RAB2A: variants seen among roughly 807,000 people sequenced by gnomAD.
The protein encoded by RAB2A is RAB2A, member RAS oncogene family, also known as ras-related protein Rab-2A.
Under a neutral mutation model 32.5 loss-of-function variants are expected in RAB2A, and 7 were observed. The ratio of observed to expected loss-of-function variants is 0.22; its 90% CI spans 0.12 to 0.40. RAB2A has a LOEUF of 0.40. Ranked by LOEUF, RAB2A falls within the 10% of genes least tolerant of loss-of-function variation. The pLI is 1.00. For synonymous variants in RAB2A, 79 were observed against 85.2 expected, an observed-to-expected ratio of 0.93 and a Z score of 0.40; for missense variants, 108 against 260.7, an observed-to-expected ratio of 0.41 and a Z score of 4.03.
chr8:60,611,869 A>G (rs1394057228), intron 6 of RAB2A, among the ~76,000 whole-genome samples: 1 of 152,218 alleles, frequency 6.6e-6, no homozygotes, highest in Non-Finnish European at 1.5e-5. Context: ...TGCAATATTT[A>G]TGATTTTTAA....
At chr8:60,528,369 T>G (rs1308616844) in intron 1 of RAB2A, among the ~76,000 whole-genome samples, 1 of 152,244 alleles carries the variant, frequency 6.6e-6, no homozygotes, top group Non-Finnish European at 1.5e-5. Context: ...ATCCTGCTTC[T>G]TTGAATGTTA....
intron 6 of RAB2A, among the ~76,000 whole-genome samples, chr8:60,601,322 T>A (rs1039355171): frequency 1.3e-5 from 2 of 152,190 alleles, no homozygotes; most frequent in African/African-American, 4.8e-5. Flanking sequence ...GAGATTTTTA[T>A]TATGCATAGA....
At chr8:60,594,841 A>G (rs1033930516) in intron 6 of RAB2A, among the ~76,000 whole-genome samples, 14 of 152,212 alleles carry the variant, frequency 9.2e-5, no homozygotes, top group African/African-American at 3.4e-4. Flanking sequence ...ATAGTATTCC[A>G]TGGTGTATAT....
In RAB2A at chr8:60,623,485, A is replaced by C. The variant is rs1439035296; in HGVS notation, c.*2716A>C. 1.3e-5 allele frequency: 2 copies of C among 152,180 alleles called. No homozygotes were observed. The highest frequency in any genetic ancestry group is 2.9e-5 in the Non-Finnish European group (2 of 68,028). 9.4% of individuals were successfully genotyped at this position (152,180 alleles called of 1,614,324 possible). ...GCATGGGGTTTGACTATATGAGCTA[A>C]AAGATACACAAAGAGATAACGCTGT... On this transcript the variant is annotated 3_prime_UTR_variant, in exon 8 of 8. Coordinates refer to ENST00000262646, the MANE Select transcript of RAB2A (RefSeq NM_002865.3).
intron 6 of RAB2A, among the ~76,000 whole-genome samples, chr8:60,595,083 G>A (rs1366941142): frequency 1.3e-5 from 2 of 149,108 alleles, no homozygotes; most frequent in Non-Finnish European, 3.0e-5. Context: ...TTTATTAGTA[G>A]CAGATTTGCA....
At chr8:60,599,087 C>T (rs1804086103) in intron 6 of RAB2A, among the ~76,000 whole-genome samples, 1 of 151,456 alleles carries the variant, frequency 6.6e-6, no homozygotes, top group African/African-American at 2.4e-5. Context: ...AGCAAGGTTG[C>T]AGGATACAAG....
intron 1 of RAB2A, among the ~76,000 whole-genome samples, chr8:60,545,685 C>T (rs1452020613): frequency 6.6e-6 from 1 of 152,082 alleles, no homozygotes; most frequent in Non-Finnish European, 1.5e-5. Context: ...ACAGTGACTC[C>T]GACCCTGAGT....
intron 6 of RAB2A, among the ~76,000 whole-genome samples, chr8:60,597,732 A>T (rs1487841501): frequency 6.6e-6 from 1 of 152,246 alleles, no homozygotes; most frequent in African/African-American, 2.4e-5. Flanking sequence ...TAAGTTGAAA[A>T]CAAAAATCAG....
chr8:60,608,780 G>A (rs1384650727), intron 6 of RAB2A, among the ~76,000 whole-genome samples: 1 of 152,012 alleles, frequency 6.6e-6, no homozygotes, highest in Admixed American at 6.6e-5. Flanking sequence ...ACACCCTTCC[G>A]ATTTAACACA....
intron 1 of RAB2A, among the ~76,000 whole-genome samples, chr8:60,547,584 C>T (rs1250982873): frequency 7.9e-6 from 1 of 127,074 alleles, no homozygotes; most frequent in African/African-American, 2.8e-5. Flanking sequence ...GGGCTCCTCA[C>T]TTCCCAGTAG....
chr8:60,569,772 C>T (rs116793479), intron 2 of RAB2A, among the ~76,000 whole-genome samples: 60 of 152,300 alleles, frequency 3.9e-4, no homozygotes, highest in African/African-American at 1.2e-3. Flanking sequence ...CTCAGCCTCT[C>T]GAATTGTGGG....
rs1347346336 is a variant in RAB2A, at chr8:60,608,890, C to T, written c.475-9690C>T. Among the ~76,000 whole-genome samples the T allele has an allele frequency of 2.0e-5, 3 of 152,128 alleles. No individual in the cohort carries two copies. In the East Asian group the frequency reaches 5.8e-4, roughly 29 times the overall value. ...TTGACATTGATTTATTCAGTTAATA[C>T]GTATCACTTTTCACCTGTTATTGTT... is the stretch of plus-strand genomic sequence containing the variant. On this transcript the variant is annotated intron_variant, in intron 6 of 7. Coordinates refer to ENST00000262646, the MANE Select transcript of RAB2A (RefSeq NM_002865.3).
Position 60,623,434 on chromosome 8 carries a change from C to T in RAB2A, c.*2665C>T, listed in dbSNP as rs1804561322. 1 of 152,132 alleles carries T rather than the reference C, an allele frequency of 6.6e-6. No homozygotes were observed. The highest frequency in any genetic ancestry group is 1.5e-5 in the Non-Finnish European group (1 of 68,026). The allele number at this position is 152,132 out of a possible 1,614,324, so 9.4% of individuals were successfully genotyped here. ...TGTCATAGATAGTAAAGCCCCATCT[C>T]AGTTTATTTAGTCCTGAGGTTGGCA... On this transcript the variant is annotated 3_prime_UTR_variant, in exon 8 of 8. Transcript: ENST00000262646.
At chr8:60,544,552 C>CT (rs35482452) in intron 1 of RAB2A, among the ~76,000 whole-genome samples, 32,279 of 113,854 alleles carry the variant, frequency 0.28, 5,132 homozygotes, top group African/African-American at 0.43. Flanking sequence ...TCCCTAGTGC[C>CT]TTTTTTTTTT....
chr8:60,567,620 C>T (rs2130837019), intron 2 of RAB2A, among the ~76,000 whole-genome samples: 1 of 150,742 alleles, frequency 6.6e-6, no homozygotes, highest in East Asian at 1.9e-4. Flanking sequence ...CATTGATTAC[C>T]TGTTTATACA....
At chr8:60,531,450 T>C (rs1402842682) in intron 1 of RAB2A, among the ~76,000 whole-genome samples, 1 of 152,248 alleles carries the variant, frequency 6.6e-6, no homozygotes, top group Admixed American at 6.5e-5. Context: ...ACAGGATTTT[T>C]GTGAGCTTAA....
intron 6 of RAB2A, among the ~76,000 whole-genome samples, chr8:60,597,988 A>G (rs116099362): frequency 0.012 from 1,853 of 152,348 alleles, 39 homozygotes; most frequent in African/African-American, 0.042. Flanking sequence ...AGCCAGTATG[A>G]AAAAGTTAAT....
At chr8:60,586,296 CAA>C (rs10591904) in intron 5 of RAB2A, among the ~76,000 whole-genome samples, 70,381 of 145,812 alleles carry the variant, frequency 0.48, 17,478 homozygotes, top group African/African-American at 0.64. Flanking sequence ...GACCTTGTCT[CAA>C]AAAAAAAAAG....
intron 3 of RAB2A, among the ~76,000 whole-genome samples, chr8:60,577,340 G>A (rs1014860): frequency 0.23 from 34,797 of 151,940 alleles, 4,079 homozygotes; most frequent in Middle Eastern, 0.38. Flanking sequence ...GAGCCACTGC[G>A]CCCAGCTAAG....
Sources: allele counts gnomAD v4.1 joint callset (sites outside exome capture counted in the v4.1 genomes callset), GRCh38; gene constraint gnomAD v4.1.1; transcripts MANE v1.5; gene names NCBI Gene and HGNC (gene_info 2026-07-23, HGNC 2026-07-21).